The following CDC123 variants were observed in gnomAD, a reference collection of about 807,000 sequenced individuals.
The protein encoded by CDC123 is cell division cycle 123, also known as translation initiation factor eIF2 assembly protein.
A neutral mutation model predicts 54.4 loss-of-function variants in CDC123; 37 were observed. The ratio of observed to expected loss-of-function variants is 0.68; its 90% confidence interval spans 0.52 to 0.89. The LOEUF (loss-of-function observed/expected upper bound fraction) is 0.89, where lower values mean the gene tolerates loss of function less well. CDC123 is among the 40% of genes least tolerant of loss of function. CDC123 has a pLI of 0.00. For missense variants in CDC123, 361 were observed against 412.1 expected (o/e 0.88, Z 1.07); for synonymous variants, 144 against 136.8 (o/e 1.05, Z -0.37).
Position 12,196,335 on chromosome 10 carries a change from G to A in CDC123, c.74+16G>A, listed in dbSNP as rs765971286. On this transcript the variant is annotated intron_variant, in intron 1 of 12. Coordinates refer to ENST00000281141, the MANE Select transcript of CDC123 (RefSeq NM_006023.3). ...CCATCAAGAGGTGAGATGGGAGGGG[G>A]TTCGCCCGGTCGACCGGCAAAAGGG... 2 of 1,613,828 alleles carry A rather than the reference G, an allele frequency of 1.2e-6. No homozygotes were observed. The highest frequency in any genetic ancestry group is 1.7e-6 in the Non-Finnish European group (2 of 1,179,804).
At chr10:12,239,258 G>A (rs140414184) in intron 10 of CDC123, among the ~76,000 whole-genome samples, 1 of 152,048 alleles carries the variant, frequency 6.6e-6, no homozygotes, top group African/African-American at 2.4e-5. Flanking sequence ...GGACTTAATA[G>A]CTGAAATCAT....
In CDC123 at chr10:12,220,557, G is replaced by A. The variant is rs117987194; in HGVS notation, c.440+3090G>A. Among the ~76,000 whole-genome samples the A allele has an allele frequency of 3.3e-3, 496 of 152,364 alleles. 1 individual carries two copies. Among genetic ancestry groups the A allele is most frequent in the Middle Eastern group, 0.01 (3 of 294 alleles). ...TACTAACGTGTCACTTTGTCTAGAA[G>A]TAACTGTTGGTAGTTGCTTAGCAAT... On this transcript the variant is annotated intron_variant, in intron 6 of 12. Coordinates refer to ENST00000281141, the MANE Select transcript of CDC123 (RefSeq NM_006023.3).
intron 5 of CDC123, among the ~76,000 whole-genome samples, chr10:12,216,602 C>G (rs936757185): frequency 3.9e-5 from 6 of 152,192 alleles, no homozygotes; most frequent in Non-Finnish European, 7.3e-5. Flanking sequence ...CCATTTCCTA[C>G]TCCCCAGAGG....
intron 11 of CDC123, 22 bp from the exon 12 acceptor site, chr10:12,249,559 C>T (rs1310298994): frequency 1.9e-6 from 3 of 1,599,690 alleles, no homozygotes; most frequent in Admixed American, 1.8e-5. Context: ...GATATTCTTT[C>T]TCCTTTTTCT....
intron 6 of CDC123, among the ~76,000 whole-genome samples, chr10:12,228,832 A>G (rs866007435): frequency 4.6e-5 from 7 of 152,266 alleles, no homozygotes; most frequent in Middle Eastern, 6.8e-3. Flanking sequence ...GGCCTCCCAA[A>G]GTGCTGGGAT....
chr10:12,244,339 T>A (rs1273214580), intron 10 of CDC123, among the ~76,000 whole-genome samples: 1 of 152,204 alleles, frequency 6.6e-6, no homozygotes, highest in Non-Finnish European at 1.5e-5. Flanking sequence ...AATGTTTCAG[T>A]GAGAAAAGTG....
chr10:12,226,655 G>A (rs1007589801), intron 6 of CDC123, among the ~76,000 whole-genome samples: 11 of 141,108 alleles, frequency 7.8e-5, no homozygotes, highest in African/African-American at 2.3e-4. Context: ...CATCCCAGAC[G>A]ATGGGCTGCG....
At position 12,209,685 on chromosome 10, in the gene CDC123, C is replaced by T. The variant is rs376819972; in HGVS notation, c.147-282C>T. Among the ~76,000 whole-genome samples the T allele has an allele frequency of 3.7e-4, 57 of 152,282 alleles. No homozygotes were observed. In the East Asian group the frequency reaches 8.5e-3, roughly 23 times the overall value. ...AAGTGATCAGTCCTCCCACCTCAGCCCCCCAAATAGCTGGGACTACAGGCG... is the reference window on the plus strand; with the variant it reads ...AAGTGATCAGTCCTCCCACCTCAGCTCCCCAAATAGCTGGGACTACAGGCG... On this transcript the variant is annotated intron_variant, in intron 2 of 12. Coordinates refer to ENST00000281141, the MANE Select transcript of CDC123 (RefSeq NM_006023.3).
At chr10:12,246,910 C>G (rs1392718716) in intron 11 of CDC123, 1 of 151,708 alleles carries the variant, frequency 6.6e-6, no homozygotes, top group Non-Finnish European at 1.5e-5. Context: ...TCACCTCCCC[C>G]CTCAGTACAC....
At chr10:12,229,417 G>T (rs779201136) in intron 6 of CDC123, among the ~76,000 whole-genome samples, 18 of 152,108 alleles carry the variant, frequency 1.2e-4, no homozygotes, top group Non-Finnish European at 2.4e-4. Flanking sequence ...TCCATCTGTC[G>T]CAGTTCCCCC....
At position 12,218,158 on chromosome 10, in the gene CDC123, CTA is replaced by C. The variant is rs1158874599; in HGVS notation, c.440+694_440+695del. The stretch of plus-strand genomic sequence containing the variant: ...GGTTATTATATTTCTAGAATTCTAT[CTA>C]TAGATAAATATAATATAAATACATC... On this transcript the variant is annotated intron_variant, in intron 6 of 12. Coordinates refer to ENST00000281141, the MANE Select transcript of CDC123 (RefSeq NM_006023.3). Among the ~76,000 whole-genome samples the C allele has an allele frequency of 8.6e-5, 13 of 151,538 alleles. No individual in the cohort carries two copies. In the South Asian group the frequency reaches 2.7e-3, roughly 32 times the overall value.
intron 9 of CDC123, 178 bp downstream of exon 9, chr10:12,237,444 A>ATTAT: frequency 2.2e-6 from 1 of 455,922 alleles, no homozygotes; most frequent in African/African-American, 2.1e-5. Context: ...TATTATTATT[A>ATTAT]TTTTTATTTG....
intron 6 of CDC123, among the ~76,000 whole-genome samples, chr10:12,219,131 G>A (rs983734613): frequency 6.6e-6 from 1 of 151,594 alleles, no homozygotes; most frequent in Non-Finnish European, 1.5e-5. Context: ...ATCGTGGCAT[G>A]AATAACTTAA....
chr10:12,227,825 C>T (rs894346082), intron 6 of CDC123, among the ~76,000 whole-genome samples: 14 of 151,942 alleles, frequency 9.2e-5, no homozygotes, highest in Non-Finnish European at 1.9e-4. Flanking sequence ...TAATAGAAAA[C>T]GTATAGAGGA....
At chr10:12,196,440 G>A (rs1189956333) in intron 1 of CDC123, 121 bp downstream of exon 1, 4 of 1,296,572 alleles carry the variant, frequency 3.1e-6, no homozygotes, top group Admixed American at 3.8e-5. Context: ...GGAGTGTGTC[G>A]AGAGGGAAGT....
intron 6 of CDC123, among the ~76,000 whole-genome samples, chr10:12,226,849 G>A (rs1422722697): frequency 3.9e-5 from 6 of 152,200 alleles, no homozygotes; most frequent in East Asian, 1.9e-4. Context: ...CTTCCCAGAC[G>A]GGGTGGCGGC....
Position 12,198,685 on chromosome 10 carries a change from T to C in CDC123, c.75-20T>C, listed in dbSNP as rs774195361. The C allele has an allele frequency of 1.4e-6, 2 of 1,451,888 alleles. No individual in the cohort carries two copies. The highest frequency in any genetic ancestry group is 2.4e-5 in the South Asian group (2 of 82,472). The allele number at this position is 1,451,888 out of a possible 1,614,324, so 89.9% of individuals were successfully genotyped here. On this transcript the variant is annotated intron_variant, in intron 1 of 12. Coordinates refer to ENST00000281141, the MANE Select transcript of CDC123 (RefSeq NM_006023.3). ...AGTTGGTCTTTTAAAATGATGCCTT[T>C]TTTGGTGTTTTTTTTTTAGTGTCAT...
intron 5 of CDC123, among the ~76,000 whole-genome samples, chr10:12,217,020 A>G (rs937236849): frequency 3.9e-5 from 6 of 152,148 alleles, no homozygotes; most frequent in Admixed American, 2.0e-4. Context: ...TGGTCAGGCT[A>G]TTTCTTTACT....
chr10:12,210,153 CAT>C, intron 3 of CDC123, 129 bp downstream of exon 3: 1 of 1,432,636 alleles, frequency 7.0e-7, no homozygotes, highest in Admixed American at 2.0e-5. Flanking sequence ...CTTACTTTGA[CAT>C]ATATTTTCAC....
Sources: allele counts gnomAD v4.1 joint callset (sites outside exome capture counted in the v4.1 genomes callset), GRCh38; gene constraint gnomAD v4.1.1; transcripts MANE v1.5; gene names NCBI Gene and HGNC (gene_info 2026-07-23, HGNC 2026-07-21).